The following GRIK3 variants were observed in gnomAD, a reference collection of about 807,000 sequenced individuals.
GRIK3 encodes the protein glutamate ionotropic receptor kainate type subunit 3, also known as glutamate receptor ionotropic, kainate 3.
A neutral mutation model predicts 102.5 loss-of-function variants in GRIK3; 29 were observed. The observed-to-expected ratio is 0.28, with a 90% confidence interval of 0.21 to 0.39. GRIK3 has a LOEUF of 0.39. Ranked by LOEUF, GRIK3 falls within the 10% of genes least tolerant of loss-of-function variation. GRIK3 has a pLI of 1.00. For missense variants in GRIK3, 908 were observed against 1,252.4 expected (o/e 0.73, Z 4.15); for synonymous variants, 511 against 504.9 (o/e 1.01, Z -0.16).
At chr1:36,865,717 C>G (rs1640777578) in intron 5 of GRIK3, among the ~76,000 whole-genome samples, 1 of 152,200 alleles carries the variant, frequency 6.6e-6, no homozygotes, top group African/African-American at 2.4e-5. Flanking sequence ...CTGGAACAGC[C>G]AAGGACAGGA....
At chr1:36,962,103 C>T (rs374655827) in intron 1 of GRIK3, among the ~76,000 whole-genome samples, 1 of 152,120 alleles carries the variant, frequency 6.6e-6, no homozygotes, top group African/African-American at 2.4e-5. Context: ...GCTGGCCAGG[C>T]GGGGCAGGAG....
At chr1:36,946,471 G>A (rs1302066209) in intron 1 of GRIK3, among the ~76,000 whole-genome samples, 1 of 152,222 alleles carries the variant, frequency 6.6e-6, no homozygotes, top group East Asian at 1.9e-4. Flanking sequence ...CTGGAGTGGG[G>A]CTATGGACAC....
chr1:36,879,623 G>A (rs75831443), intron 3 of GRIK3, among the ~76,000 whole-genome samples: 9 of 152,342 alleles, frequency 5.9e-5, no homozygotes, highest in African/African-American at 2.2e-4. Flanking sequence ...TGGGACTTGA[G>A]AGGCAGGGGG....
chr1:36,920,709 G>T (rs1641457318), intron 1 of GRIK3, among the ~76,000 whole-genome samples: 1 of 152,184 alleles, frequency 6.6e-6, no homozygotes, highest in Non-Finnish European at 1.5e-5. Context: ...AGGCCTCCGT[G>T]CCCCTCCAGA....
At chr1:36,944,145 C>T (rs901735448) in intron 1 of GRIK3, among the ~76,000 whole-genome samples, 8 of 152,172 alleles carry the variant, frequency 5.3e-5, no homozygotes, top group Non-Finnish European at 1.0e-4. Flanking sequence ...CAAAAGGCTG[C>T]AACCTGTCTT....
intron 4 of GRIK3, among the ~76,000 whole-genome samples, chr1:36,870,473 C>T (rs2124251863): frequency 6.6e-6 from 1 of 152,312 alleles, no homozygotes; most frequent in Admixed American, 6.5e-5. Flanking sequence ...TACAGAGTTC[C>T]TCAGAATGCT....
chr1:36,821,583 C>A (rs570871150), intron 11 of GRIK3, among the ~76,000 whole-genome samples: 1 of 152,334 alleles, frequency 6.6e-6, no homozygotes, highest in African/African-American at 2.4e-5. Flanking sequence ...CAGACACCAC[C>A]GGGTCCCAGG....
chr1:36,838,199 G>A (rs1640403850), intron 10 of GRIK3, among the ~76,000 whole-genome samples: 1 of 152,194 alleles, frequency 6.6e-6, no homozygotes, highest in Non-Finnish European at 1.5e-5. Context: ...TGCCAGGCAG[G>A]AGGCTCTTTT....
chr1:36,930,829 G>A (rs1010571037), intron 1 of GRIK3, among the ~76,000 whole-genome samples: 6 of 152,226 alleles, frequency 3.9e-5, no homozygotes, highest in Admixed American at 6.5e-5. Flanking sequence ...GGAACGAGGA[G>A]TTGTCTCCCT....
intron 1 of GRIK3, among the ~76,000 whole-genome samples, chr1:36,909,239 C>A (rs1417883283): frequency 1.3e-5 from 2 of 151,632 alleles, no homozygotes; most frequent in Admixed American, 1.3e-4. Context: ...AGCCTGAAAT[C>A]GGCCATAGTG....
chr1:36,959,256 G>A (rs913180800), intron 1 of GRIK3, among the ~76,000 whole-genome samples: 1 of 109,570 alleles, frequency 9.1e-6, no homozygotes, highest in Admixed American at 9.1e-5. Context: ...CTGTGTGTCC[G>A]GTAAGTCTGT....
At chr1:36,960,146 A>G (rs1641989190) in intron 1 of GRIK3, among the ~76,000 whole-genome samples, 1 of 121,590 alleles carries the variant, frequency 8.2e-6, no homozygotes, top group African/African-American at 3.1e-5. Flanking sequence ...GTGCCCCTTG[A>G]GCCTGTGTGC....
chr1:36,961,177 G>A lies in GRIK3; in HGVS notation c.116-70081C>T, dbSNP rs141440708. 2.0e-5 allele frequency among the ~76,000 whole-genome samples: 3 copies of A among 152,292 alleles called. No individual in the cohort carries two copies. In the East Asian group the frequency reaches 5.8e-4, roughly 29 times the overall value. On this transcript the variant is annotated intron_variant, in intron 1 of 15. Coordinates refer to ENST00000373091, the MANE Select transcript of GRIK3 (RefSeq NM_000831.4). Reference sequence around the variant, plus strand: ...CATGCAACACACTGCGTGCACACACGTGCCCACCTGTGCACACACCCACAT... The same window carrying A: ...CATGCAACACACTGCGTGCACACACATGCCCACCTGTGCACACACCCACAT...
At chr1:36,914,634 C>T (rs964458389) in intron 1 of GRIK3, among the ~76,000 whole-genome samples, 10 of 152,204 alleles carry the variant, frequency 6.6e-5, no homozygotes, top group Non-Finnish European at 1.5e-4. Flanking sequence ...CAGTCAGCCC[C>T]ACACACTGGG....
intron 1 of GRIK3, among the ~76,000 whole-genome samples, chr1:36,894,409 G>A (rs569066494): frequency 7.3e-4 from 111 of 152,256 alleles, no homozygotes; most frequent in Non-Finnish European, 1.4e-3. Flanking sequence ...CAGCTGATGG[G>A]TATTTGGATT....
intron 1 of GRIK3, among the ~76,000 whole-genome samples, chr1:36,956,470 C>T (rs1012683242): frequency 3.9e-5 from 6 of 152,212 alleles, no homozygotes; most frequent in Admixed American, 3.3e-4. Context: ...GGGAAAAACC[C>T]GCTAACTCCT....
chr1:36,807,845 TC>T (rs373907645), intron 13 of GRIK3, among the ~76,000 whole-genome samples: 77 of 152,146 alleles, frequency 5.1e-4, no homozygotes, highest in African/African-American at 1.8e-3. Context: ...AAGCAGCCAC[TC>T]CCCAACCTAC....
intron 9 of GRIK3, among the ~76,000 whole-genome samples, chr1:36,844,297 C>T (rs1478034263): frequency 6.6e-6 from 1 of 152,236 alleles, no homozygotes; most frequent in African/African-American, 2.4e-5. Flanking sequence ...CTCAGTGCCT[C>T]TCTCACTCGC....
chr1:36,928,011 G>C lies in GRIK3; in HGVS notation c.116-36915C>G, dbSNP rs150722559. On this transcript the variant is annotated intron_variant, in intron 1 of 15. Transcript: ENST00000373091. ...GCCTTGACTGGCCCTCCCTGGAGCT[G>C]CCGTCACGTGACCACTTGTCCTGCT... Among the ~76,000 whole-genome samples the C allele has an allele frequency of 7.1e-3, 1,080 of 152,308 alleles. 11 individuals carry two copies. Among genetic ancestry groups the C allele is most frequent in the African/African-American group, 0.024 (995 of 41,564 alleles).
Sources: gnomAD v4.1 joint callset for allele counts (sites outside exome capture counted in the v4.1 genomes callset) on GRCh38, gnomAD v4.1.1 for gene constraint, MANE v1.5 for transcripts, NCBI Gene and HGNC (gene_info 2026-07-23, HGNC 2026-07-21) for gene names.